LRPPRC: variants seen among roughly 807,000 people sequenced by gnomAD.
LRPPRC encodes leucine rich pentatricopeptide repeat containing, also known as leucine-rich PPR motif-containing protein, mitochondrial.
Under a neutral mutation model 180.3 loss-of-function variants are expected in LRPPRC, and 120 were observed. That is an observed-to-expected ratio of 0.67 (90% CI 0.57 to 0.77). LRPPRC has a LOEUF of 0.77. Among genes scored for constraint, LRPPRC ranks in the 30% least tolerant of loss-of-function variants. The pLI, the probability that LRPPRC is intolerant of heterozygous loss-of-function variation, is 0.00. For synonymous variants in LRPPRC, 723 were observed against 600.0 expected, an observed-to-expected ratio of 1.21 and a Z score of -3.00; for missense variants, 2,012 against 1,657.2, an observed-to-expected ratio of 1.21 and a Z score of -3.72.
At position 43,934,850 on chromosome 2, in the gene LRPPRC, C is replaced by T. The variant is rs375866250; in HGVS notation, c.2533G>A (p.Ala845Thr). 16 of 1,612,672 alleles carry T rather than the reference C, an allele frequency of 9.9e-6. No homozygotes were observed. In the African/African-American group the frequency reaches 1.5e-4, roughly 15 times the overall value. ...TTATACTTTTCATAGCAGTCAATGGCGACCTCAAGAGCAGTAGATAGGTCG... is the reference window on the plus strand; with the variant it reads ...TTATACTTTTCATAGCAGTCAATGGTGACCTCAAGAGCAGTAGATAGGTCG... ...KGDLSTALEV[A>T]IDCYEKYKVL... is the part of the protein sequence containing the mutation. The change falls in exon 24 of 38, where the codon GCC becomes ACC. Residue 845 changes from alanine (A) to threonine (T), a missense_variant. Transcript: ENST00000260665.
At chr2:43,941,896 T>C (rs1478577594) in intron 23 of LRPPRC, among the ~76,000 whole-genome samples, 1 of 122,586 alleles carries the variant, frequency 8.2e-6, no homozygotes, top group Non-Finnish European at 1.8e-5. Flanking sequence ...AAAATAAAAA[T>C]AGAAGATATA....
At chr2:43,960,700 C>T (rs1673314256) in intron 12 of LRPPRC, 66 bp from the exon 13 acceptor site, 1 of 806,884 alleles carries the variant, frequency 1.2e-6, no homozygotes, top group Admixed American at 1.7e-5. Context: ...AGCCAAAGAT[C>T]CTGTTTTCCT....
chr2:43,927,220 G>A (rs534770832), intron 25 of LRPPRC, among the ~76,000 whole-genome samples: 2 of 152,278 alleles, frequency 1.3e-5, no homozygotes, highest in East Asian at 1.9e-4. Flanking sequence ...TGCTTTCTCC[G>A]CTCACTTCTG....
chr2:43,965,203 T>C (rs896657235), intron 11 of LRPPRC, among the ~76,000 whole-genome samples: 1 of 152,114 alleles, frequency 6.6e-6, no homozygotes, highest in African/African-American at 2.4e-5. Context: ...GGTTTCACCA[T>C]GTTGGTCAGG....
chr2:43,919,662 G>C (rs1288210603), intron 27 of LRPPRC, among the ~76,000 whole-genome samples: 1 of 152,066 alleles, frequency 6.6e-6, no homozygotes, highest in East Asian at 1.9e-4. Context: ...TCTCATGGTT[G>C]GAAGAGGAAA....
intron 29 of LRPPRC, 38 bp downstream of exon 29, chr2:43,917,987 A>ACCCCCCCCCCCC: frequency 1.1e-6 from 1 of 950,928 alleles, no homozygotes; most frequent in Non-Finnish European, 1.7e-6. Context: ...AAAGAAGACC[A>ACCCCCCCCCCCC]CCCCCCCACA....
Position 43,982,400 on chromosome 2 carries a change from C to A in LRPPRC, c.184G>T (p.Ala62Ser), listed in dbSNP as rs1261489969. The A allele has an allele frequency of 1.4e-5, 23 of 1,613,910 alleles. No individual in the cohort carries two copies. The highest frequency in any genetic ancestry group is 1.9e-5 in the Non-Finnish European group (23 of 1,179,862). ...TCTTGAATATCTTTTTCTTTGGCAG[C>A]AATGGCATACAGCCTGGCTGGGCTC... is the stretch of plus-strand genomic sequence containing the variant. ...LLSPARLYAI[A>S]AKEKDIQEES... Residue 62 changes from alanine to serine, a missense_variant, in exon 2 of 38, where the codon GCT (alanine) becomes TCT (serine). Ala to Ser is a moderately conservative substitution (Grantham distance 99). Transcript: ENST00000260665.
chr2:43,994,562 A>G (rs988336085), intron 1 of LRPPRC, among the ~76,000 whole-genome samples: 24 of 150,888 alleles, frequency 1.6e-4, no homozygotes, highest in African/African-American at 5.4e-4. Flanking sequence ...TAATGCAGAT[A>G]ATTTGAGGAT....
intron 1 of LRPPRC, among the ~76,000 whole-genome samples, chr2:43,993,665 G>T (rs779957682): frequency 2.0e-5 from 3 of 151,650 alleles, no homozygotes; most frequent in Non-Finnish European, 4.4e-5. Flanking sequence ...CTTCTTTATT[G>T]CCTGCTGTCA....
chr2:43,985,986 G>A (rs186719013), intron 1 of LRPPRC, among the ~76,000 whole-genome samples: 2 of 152,242 alleles, frequency 1.3e-5, no homozygotes, highest in Non-Finnish European at 2.9e-5. Context: ...GGTTTTCGAC[G>A]TTTTGCTGGA....
Position 43,925,974 on chromosome 2 carries a change from A to C in LRPPRC, c.2737-13T>G. 1 of 1,511,988 alleles carries C rather than the reference A, an allele frequency of 6.6e-7. No homozygotes were observed. Among genetic ancestry groups the C allele is most frequent in the South Asian group, 1.1e-5 (1 of 89,134 alleles). The allele number at this position is 1,511,988 out of a possible 1,614,324, so 93.7% of individuals were successfully genotyped here. ...TAATCCCTGGAGTCTGTAAAATAAA[A>C]TAATCACATAGCACCCAAGGTAAGG... On this transcript the variant is annotated splice_polypyrimidine_tract_variant and intron_variant, in intron 25 of 37. Transcript: ENST00000260665.
chr2:43,915,236 A>ACACACACACT (rs1671421965), intron 29 of LRPPRC, among the ~76,000 whole-genome samples: 1 of 47,908 alleles, frequency 2.1e-5, no homozygotes, highest in Non-Finnish European at 3.9e-5. Context: ...TCTCTCTCAC[A>ACACACACACT]CACACACACA....
chr2:43,970,636 GA>G (rs1175329773), intron 11 of LRPPRC, among the ~76,000 whole-genome samples: 2 of 152,122 alleles, frequency 1.3e-5, no homozygotes, highest in Non-Finnish European at 2.9e-5. Context: ...CAATCTAGAG[GA>G]AAGTCTCCAT....
At chr2:43,963,387 T>C in intron 12 of LRPPRC, 1 of 618,980 alleles carries the variant, frequency 1.6e-6, no homozygotes, top group Non-Finnish European at 2.9e-6. Context: ...AAGGTTGCAG[T>C]GAGCCAAGAT....
At chr2:43,977,406 C>A in intron 3 of LRPPRC, 130 bp from the exon 4 acceptor site, 1 of 699,090 alleles carries the variant, frequency 1.4e-6, no homozygotes, top group Non-Finnish European at 2.5e-6. Flanking sequence ...TCTTGGCGCT[C>A]AGACCTATCT....
At chr2:43,981,934 GTC>G (rs561717078) in intron 2 of LRPPRC, among the ~76,000 whole-genome samples, 1 of 151,824 alleles carries the variant, frequency 6.6e-6, no homozygotes, top group Non-Finnish European at 1.5e-5. Context: ...AAAGACAGAT[GTC>G]TCTCTCTGTC....
At chr2:43,946,403 A>G (rs1418089948) in intron 20 of LRPPRC, among the ~76,000 whole-genome samples, 160 bp from the exon 21 acceptor site, 1 of 151,990 alleles carries the variant, frequency 6.6e-6, no homozygotes, top group African/African-American at 2.4e-5. Flanking sequence ...ATTTTTATTC[A>G]CCTCTAAGAA....
In LRPPRC at chr2:43,975,881, C is replaced by T. The variant is rs536531989; in HGVS notation, c.737+262G>A. On this transcript the variant is annotated intron_variant, in intron 6 of 37. Coordinates refer to ENST00000260665, the MANE Select transcript of LRPPRC (RefSeq NM_133259.4). ...TACAGGCATGAGCCACCACGCCCGG[C>T]TTCAAGCCCAATTTCTAAAAATTCA... Among the ~76,000 whole-genome samples, 13 of 152,280 alleles carry T rather than the reference C, an allele frequency of 8.5e-5. No homozygotes were observed. In the East Asian group the frequency reaches 2.3e-3, roughly 27 times the overall value.
chr2:43,912,602 GA>G (rs778523015), intron 29 of LRPPRC, 44 bp from the exon 30 acceptor site: 1 of 1,565,750 alleles, frequency 6.4e-7, no homozygotes, highest in East Asian at 2.3e-5. Context: ...ACATTATTCT[GA>G]AATGCCAAAA....
Sources: gnomAD v4.1 joint callset for allele counts (sites outside exome capture counted in the v4.1 genomes callset) on GRCh38, gnomAD v4.1.1 for gene constraint, MANE v1.5 for transcripts, NCBI Gene and HGNC (gene_info 2026-07-23, HGNC 2026-07-21) for gene names.